NPAS3: variants seen among roughly 807,000 people sequenced by gnomAD.
NPAS3 encodes the protein neuronal PAS domain-containing protein 3.
NPAS3 carries 14 observed loss-of-function variants against 73.1 expected under a neutral mutation model. The observed-to-expected ratio is 0.19, with a 90% CI of 0.13 to 0.30. The LOEUF is 0.30. Ranked by LOEUF, NPAS3 falls within the 10% of genes least tolerant of loss-of-function variation. NPAS3 has a pLI of 1.00. For missense variants in NPAS3, 1,096 were observed against 1,250.0 expected, an observed-to-expected ratio of 0.88 and a Z score of 1.86; for synonymous variants, 620 against 541.5, an observed-to-expected ratio of 1.14 and a Z score of -2.01.
At chr14:33,720,872 G>A (rs1033532549) in intron 6 of NPAS3, among the ~76,000 whole-genome samples, 15 of 152,202 alleles carry the variant, frequency 9.9e-5, no homozygotes, top group African/African-American at 3.6e-4. Context: ...TCCATGGGGT[G>A]ATCTTCAGAC....
intron 3 of NPAS3, among the ~76,000 whole-genome samples, chr14:33,258,179 T>C (rs1422863518): frequency 7.9e-5 from 12 of 152,112 alleles, no homozygotes; most frequent in Non-Finnish European, 1.6e-4. Context: ...GGCAAATCAT[T>C]TGAGGTCAGG....
intron 5 of NPAS3, among the ~76,000 whole-genome samples, chr14:33,582,522 A>G (rs1205053140): frequency 6.6e-6 from 1 of 152,178 alleles, no homozygotes; most frequent in Non-Finnish European, 1.5e-5. Flanking sequence ...TTCCATGTTT[A>G]TGCTTCCAGT....
chr14:33,796,121 T>C (rs147087824), intron 10 of NPAS3, among the ~76,000 whole-genome samples: 20 of 152,248 alleles, frequency 1.3e-4, no homozygotes, highest in Admixed American at 2.6e-4. Flanking sequence ...CCTGGCAATA[T>C]AGCAACTACA....
intron 2 of NPAS3, among the ~76,000 whole-genome samples, chr14:33,166,020 G>A (rs917663412): frequency 2.0e-5 from 3 of 152,126 alleles, no homozygotes; most frequent in African/African-American, 7.2e-5. Context: ...CTAGGTACCA[G>A]CCCCATGAGG....
intron 1 of NPAS3, among the ~76,000 whole-genome samples, chr14:32,946,342 A>ACACG (rs546919309): frequency 2.9e-4 from 26 of 89,472 alleles, no homozygotes; most frequent in South Asian, 1.2e-3. Context: ...CAACACACAC[A>ACACG]CACGCGCACA....
intron 3 of NPAS3, among the ~76,000 whole-genome samples, chr14:33,235,155 A>G (rs2047986561): frequency 6.6e-6 from 1 of 152,134 alleles, no homozygotes; most frequent in Admixed American, 6.6e-5. Context: ...TGATGAACGA[A>G]TTCCTCTACC....
At chr14:33,477,622 G>A (rs1205459619) in intron 4 of NPAS3, among the ~76,000 whole-genome samples, 1 of 152,208 alleles carries the variant, frequency 6.6e-6, no homozygotes, top group Non-Finnish European at 1.5e-5. Flanking sequence ...CTGGACTTAG[G>A]TTTCCCTGCT....
At chr14:33,434,806 C>T (rs1198549765) in intron 4 of NPAS3, among the ~76,000 whole-genome samples, 3 of 152,014 alleles carry the variant, frequency 2.0e-5, no homozygotes, top group African/African-American at 4.8e-5. Context: ...ATTGAATGAA[C>T]GGATCATTCA....
chr14:33,186,506 A>G (rs1446456704), intron 2 of NPAS3, among the ~76,000 whole-genome samples: 1 of 152,208 alleles, frequency 6.6e-6, no homozygotes, highest in Admixed American at 6.5e-5. Flanking sequence ...TTGAATATCC[A>G]AATGATCTCC....
At position 33,401,724 on chromosome 14, in the gene NPAS3, T is replaced by C. The variant is rs117302245; in HGVS notation, c.468+34456T>C. On this transcript the variant is annotated intron_variant, in intron 4 of 11. Coordinates refer to ENST00000356141, the Ensembl canonical transcript of NPAS3. The stretch of plus-strand genomic sequence containing the variant: ...TTCATTTTATTACCATTACATCTTT[T>C]TGGGTCATAACAATACCCTAAAAAC... Among the ~76,000 whole-genome samples the C allele has an allele frequency of 3.3e-3, 502 of 152,246 alleles. 1 individual carries two copies. The highest frequency in any genetic ancestry group is 4.5e-3 in the Non-Finnish European group (307 of 68,000).
chr14:32,939,487 C>T (rs2035876406), intron 1 of NPAS3, 121 bp downstream of exon 1: 1 of 234,072 alleles, frequency 4.3e-6, no homozygotes, highest in African/African-American at 2.4e-5. Flanking sequence ...CCGCGGGGAC[C>T]TCGTCTGGGC....
At chr14:33,118,622 CACAA>C (rs1282000172) in intron 2 of NPAS3, among the ~76,000 whole-genome samples, 2 of 151,986 alleles carry the variant, frequency 1.3e-5, no homozygotes, top group African/African-American at 2.4e-5. Context: ...TGTTTAGGAG[CACAA>C]ACAAATTCAT....
intron 7 of NPAS3, among the ~76,000 whole-genome samples, chr14:33,762,124 G>A (rs75211696): frequency 0.018 from 2,792 of 152,234 alleles, 47 homozygotes; most frequent in Non-Finnish European, 0.026. Context: ...AAATTCTCCC[G>A]AATTGATAAT....
intron 5 of NPAS3, among the ~76,000 whole-genome samples, chr14:33,632,194 T>C (rs1342273550): frequency 1.3e-5 from 2 of 152,176 alleles, no homozygotes; most frequent in African/African-American, 4.8e-5. Context: ...GTTGACCAAG[T>C]CCATGTGAGT....
rs199704146 is a variant in NPAS3, at chr14:33,782,823, T to TAAAAAAAAAAA, written c.1153+4259_1153+4260insAAAAAAAAAAA. 6.7e-5 allele frequency among the ~76,000 whole-genome samples: 10 copies of TAAAAAAAAAAA among 148,696 alleles called. 1 individual carries two copies. The highest frequency in any genetic ancestry group is 1.7e-4 in the African/African-American group (7 of 40,642). Reference sequence around the variant, plus strand: ...AACATACTTGGGGGTTGTTTTTTTTTAAAAAAAAGAAAAAAACAGTAGCTT... The same window carrying TAAAAAAAAAAA: ...AACATACTTGGGGGTTGTTTTTTTTTAAAAAAAAAAAAAAAAAAAGAAAAAAACAGTAGCTT... On this transcript the variant is annotated intron_variant, in intron 9 of 11. Transcript: ENST00000356141.
At chr14:32,962,288 A>T (rs1444025391) in intron 1 of NPAS3, among the ~76,000 whole-genome samples, 1 of 152,158 alleles carries the variant, frequency 6.6e-6, no homozygotes, top group African/African-American at 2.4e-5. Flanking sequence ...TTGTTATTAA[A>T]ACGAATTTTG....
chr14:33,781,703 A>T (rs1259207776), intron 9 of NPAS3, among the ~76,000 whole-genome samples: 1 of 152,260 alleles, frequency 6.6e-6, no homozygotes, highest in African/African-American at 2.4e-5. Flanking sequence ...GGTTGTAGTC[A>T]TCTGGTAATA....
chr14:33,434,192 CTAAA>C (rs893332869), intron 4 of NPAS3, among the ~76,000 whole-genome samples: 56 of 151,438 alleles, frequency 3.7e-4, no homozygotes, highest in African/African-American at 1.2e-3. Flanking sequence ...AACTCCGTCT[CTAAA>C]TAAATAAATA....
chr14:33,602,558 G>A (rs184513926), intron 5 of NPAS3, among the ~76,000 whole-genome samples: 22 of 152,276 alleles, frequency 1.4e-4, no homozygotes, highest in Admixed American at 3.3e-4. Flanking sequence ...CACCTCTTGC[G>A]CTGCAGCAGA....
Sources: allele counts gnomAD v4.1 joint callset (sites outside exome capture counted in the v4.1 genomes callset), GRCh38; gene constraint gnomAD v4.1.1; transcripts MANE v1.5; gene names NCBI Gene and HGNC (gene_info 2026-07-23, HGNC 2026-07-21).